The following EYS variants were observed in gnomAD, a reference collection of about 807,000 sequenced individuals.
EYS encodes the protein protein eyes shut homolog.
EYS carries 250 observed loss-of-function variants against 282.1 expected under a neutral mutation model. The observed-to-expected ratio is 0.89, with a 90% confidence interval of 0.80 to 0.98. The LOEUF (loss-of-function observed/expected upper bound fraction) is 0.98. EYS is among the 50% of genes least tolerant of loss of function. The pLI is 0.00. For synonymous variants in EYS, 1,355 were observed against 1,282.9 expected (o/e 1.06, Z -1.20); for missense variants, 4,016 against 3,709.0 (o/e 1.08, Z -2.15).
chr6:64,496,524 C>A (rs184403621), intron 26 of EYS, among the ~76,000 whole-genome samples: 1 of 152,018 alleles, frequency 6.6e-6, no homozygotes, highest in East Asian at 1.9e-4. Context: ...TTGTCATTGT[C>A]TCATTCTATT....
At chr6:64,043,867 C>T (rs1770501075) in intron 33 of EYS, among the ~76,000 whole-genome samples, 1 of 152,160 alleles carries the variant, frequency 6.6e-6, no homozygotes, top group Admixed American at 6.5e-5. Context: ...AATGAAAACA[C>T]ACTTATTTAA....
chr6:64,937,241 C>T (rs1484335123), intron 15 of EYS, among the ~76,000 whole-genome samples: 1 of 151,306 alleles, frequency 6.6e-6, no homozygotes, highest in Non-Finnish European at 1.5e-5. Flanking sequence ...TTCAGTTAGA[C>T]AACAATTTCT....
intron 2 of EYS, among the ~76,000 whole-genome samples, chr6:65,607,736 T>A (rs1464708563): frequency 6.6e-6 from 1 of 151,860 alleles, no homozygotes; most frequent in Non-Finnish European, 1.5e-5. Flanking sequence ...TGAAAATAAA[T>A]TATATTTAAA....
intron 31 of EYS, among the ~76,000 whole-genome samples, chr6:64,102,508 C>A (rs573037201): frequency 1.3e-5 from 2 of 152,206 alleles, no homozygotes; most frequent in East Asian, 3.9e-4. Flanking sequence ...ATCAGAAAAT[C>A]TTGATTATAT....
chr6:63,988,736 A>G (rs1178806060), intron 34 of EYS, among the ~76,000 whole-genome samples: 7 of 151,708 alleles, frequency 4.6e-5, no homozygotes, highest in African/African-American at 1.7e-4. Context: ...ACAGACATGG[A>G]CAATCAAGGA....
chr6:64,887,484 A>G (rs994699187), intron 18 of EYS, among the ~76,000 whole-genome samples: 2 of 152,090 alleles, frequency 1.3e-5, no homozygotes, highest in Admixed American at 1.3e-4. Flanking sequence ...TATTAAACTG[A>G]TCGAAACTGT....
At chr6:65,449,316 G>T (rs1670518360) in intron 5 of EYS, among the ~76,000 whole-genome samples, 1 of 152,062 alleles carries the variant, frequency 6.6e-6, no homozygotes, top group Non-Finnish European at 1.5e-5. Context: ...CCCTTATTGG[G>T]ATGCATATAA....
intron 30 of EYS, among the ~76,000 whole-genome samples, chr6:64,297,592 G>A (rs1160122631): frequency 6.6e-6 from 1 of 152,132 alleles, no homozygotes; most frequent in Non-Finnish European, 1.5e-5. Context: ...TAATTTTACA[G>A]GCTAGAAGAC....
chr6:65,664,948 A>T (rs1562316886), intron 1 of EYS, among the ~76,000 whole-genome samples: 1 of 152,276 alleles, frequency 6.6e-6, no homozygotes, highest in East Asian at 1.9e-4. Flanking sequence ...GATGGGACAT[A>T]GCAATTCTGT....
chr6:63,858,998 A>G (rs1168112489), intron 36 of EYS, among the ~76,000 whole-genome samples: 1 of 149,630 alleles, frequency 6.7e-6, no homozygotes, highest in Non-Finnish European at 1.5e-5. Context: ...GCTTGTCTTT[A>G]ATCACTGCAG....
rs891213230 is a variant in EYS at position 63,735,424 on chromosome 6, T to C, written c.8072-8744A>G. ...AGACTCTCCAATTGTTCCTATTTTA[T>C]TGCATTTTCTCATCTTTTTCGTTCT... On this transcript the variant is annotated intron_variant, in intron 41 of 42. Coordinates refer to ENST00000503581, the MANE Select transcript of EYS (RefSeq NM_001142800.2). 3.3e-5 allele frequency among the ~76,000 whole-genome samples: 5 copies of C among 151,998 alleles called. No homozygotes were observed. In the East Asian group the frequency reaches 9.6e-4, roughly 29 times the overall value.
At chr6:65,411,610 C>T (rs777299527) in intron 5 of EYS, among the ~76,000 whole-genome samples, 7 of 151,860 alleles carry the variant, frequency 4.6e-5, no homozygotes, top group African/African-American at 1.7e-4. Flanking sequence ...CATGCTACCC[C>T]GTTATAATCT....
At chr6:64,049,133 A>G (rs1275565959) in intron 33 of EYS, among the ~76,000 whole-genome samples, 1 of 152,190 alleles carries the variant, frequency 6.6e-6, no homozygotes, top group Non-Finnish European at 1.5e-5. Context: ...AGGTTCACAT[A>G]AACAGTGATC....
intron 26 of EYS, among the ~76,000 whole-genome samples, chr6:64,546,947 C>G (rs937500084): frequency 2.0e-5 from 3 of 152,138 alleles, no homozygotes; most frequent in Admixed American, 6.5e-5. Flanking sequence ...TTGGTGGGTT[C>G]TTGGTCTCAC....
intron 15 of EYS, among the ~76,000 whole-genome samples, chr6:64,927,725 A>G (rs1305231087): frequency 1.3e-5 from 2 of 152,120 alleles, no homozygotes; most frequent in African/African-American, 4.8e-5. Context: ...ATCCTCATAT[A>G]AGAAACAAAC....
At chr6:64,558,352 G>T (rs1042421891) in intron 26 of EYS, among the ~76,000 whole-genome samples, 1 of 152,166 alleles carries the variant, frequency 6.6e-6, no homozygotes, top group East Asian at 1.9e-4. Flanking sequence ...CATAATTCTA[G>T]TGGAGGAAGA....
intron 1 of EYS, among the ~76,000 whole-genome samples, chr6:65,678,816 C>CAAAA (rs34345454): frequency 6.9e-6 from 1 of 144,520 alleles, no homozygotes. Context: ...TATACATCTC[C>CAAAA]AAAAAAAAAA....
chr6:64,835,337 G>A (rs1344335912), intron 19 of EYS, among the ~76,000 whole-genome samples: 1 of 151,684 alleles, frequency 6.6e-6, no homozygotes, highest in Non-Finnish European at 1.5e-5. Context: ...ATGAGGAGAG[G>A]CAATAGAGAT....
intron 40 of EYS, among the ~76,000 whole-genome samples, chr6:63,773,320 A>T (rs544595543): frequency 1.3e-5 from 2 of 152,276 alleles, no homozygotes; most frequent in Admixed American, 1.3e-4. Context: ...AGTAGGGAGT[A>T]CTCTCTCAAG....
Sources: allele counts gnomAD v4.1 joint callset (sites outside exome capture counted in the v4.1 genomes callset), GRCh38; gene constraint gnomAD v4.1.1; transcripts MANE v1.5; gene names NCBI Gene and HGNC (gene_info 2026-07-23, HGNC 2026-07-21).